The following PRICKLE1 variants were observed in gnomAD, a reference collection of about 807,000 sequenced individuals.
PRICKLE1 encodes prickle-like protein 1.
PRICKLE1 carries 14 observed loss-of-function variants against 70.2 expected under a neutral mutation model. The ratio of observed to expected loss-of-function variants is 0.20; its 90% CI spans 0.13 to 0.31. The LOEUF (loss-of-function observed/expected upper bound fraction) is 0.31, where lower values mean the gene tolerates loss of function less well. PRICKLE1 is among the 10% of genes least tolerant of loss of function. The pLI is 1.00. For missense variants in PRICKLE1, 821 were observed against 1,026.2 expected, an observed-to-expected ratio of 0.80 and a Z score of 2.73; for synonymous variants, 357 against 379.9, an observed-to-expected ratio of 0.94 and a Z score of 0.70.
chr12:42,459,001 C>T lies in PRICKLE1; in HGVS notation c.*808G>A. 3.3e-6 allele frequency: 1 copy of T among 299,590 alleles called. No individual in the cohort carries two copies. The highest frequency in any genetic ancestry group is 6.0e-5 in the East Asian group (1 of 16,746). 18.6% of individuals were successfully genotyped at this position (299,590 alleles called of 1,614,324 possible). ...AAAAAATCAAAAAAAGTTGAATTTT[C>T]CATCACTAGGCAATGTAAATTTGAC... On this transcript the variant is annotated 3_prime_UTR_variant, in exon 8 of 8. Coordinates refer to ENST00000345127, the MANE Select transcript of PRICKLE1 (RefSeq NM_153026.3).
At chr12:42,502,410 C>A (rs918515016) in intron 1 of PRICKLE1, among the ~76,000 whole-genome samples, 1 of 151,892 alleles carries the variant, frequency 6.6e-6, no homozygotes, top group African/African-American at 2.4e-5. Context: ...TGGGCTCAAG[C>A]AATCTTCCTG....
At position 42,464,283 on chromosome 12, in the gene PRICKLE1, A is replaced by T; in HGVS notation, c.1639+112T>A. The T allele has an allele frequency of 1.5e-6, 2 of 1,314,810 alleles. No homozygotes were observed. Among genetic ancestry groups the T allele is most frequent in the Non-Finnish European group, 2.2e-6 (2 of 914,576 alleles). The allele number at this position is 1,314,810 out of a possible 1,614,324, so 81.4% of individuals were successfully genotyped here. On this transcript the variant is annotated intron_variant, in intron 7 of 7. Coordinates refer to ENST00000345127, the MANE Select transcript of PRICKLE1 (RefSeq NM_153026.3). The surrounding 1 kb of genome is among the most constrained non-coding windows in gnomAD (Gnocchi z 4.2). ...TGATCTGCCCACCTCAGCCTCCCAT[A>T]GTGCTGGAATTATAGGCATGAGCCA...
intron 1 of PRICKLE1, among the ~76,000 whole-genome samples, chr12:42,560,241 A>G (rs1245179405): frequency 6.6e-6 from 1 of 151,594 alleles, no homozygotes; most frequent in African/African-American, 2.4e-5. Flanking sequence ...GGTTCAAGCA[A>G]TTTCTCCTGT....
Position 42,559,634 on chromosome 12 carries a change from TTTGGGG to T in PRICKLE1, c.-49+29825_-49+29830del, listed in dbSNP as rs777395085. 2.4e-3 allele frequency among the ~76,000 whole-genome samples: 267 copies of T among 111,458 alleles called. 2 individuals carry two copies. Among genetic ancestry groups the T allele is most frequent in the Middle Eastern group, 0.012 (3 of 246 alleles). 73.1% of individuals were successfully genotyped at this position (111,458 alleles called of 152,430 possible). On this transcript the variant is annotated intron_variant, in intron 1 of 7. Coordinates refer to ENST00000345127, the MANE Select transcript of PRICKLE1 (RefSeq NM_153026.3). ...TATATATATATATATATTTTTTTTT[TTTGGGG>T]GGGGTAGAGATGGGGGCCTCATTAT...
rs144950982 is a variant in PRICKLE1 at position 42,543,123 on chromosome 12, C to T, written c.-49+46342G>A. On this transcript the variant is annotated intron_variant, in intron 1 of 7. Coordinates refer to ENST00000345127, the MANE Select transcript of PRICKLE1 (RefSeq NM_153026.3). ...CCCTGATCTCAGGCTTCCCAGTCTT[C>T]AGCCCTGTGAGAAATACATTTCTGT... Among the ~76,000 whole-genome samples, 805 of 152,338 alleles carry T rather than the reference C, an allele frequency of 5.3e-3. 9 individuals carry two copies. The highest frequency in any genetic ancestry group is 0.018 in the African/African-American group (749 of 41,594).
intron 1 of PRICKLE1, among the ~76,000 whole-genome samples, chr12:42,553,443 CAA>C (rs11432974): frequency 0.26 from 35,755 of 138,966 alleles, 6,293 homozygotes; most frequent in African/African-American, 0.51. Flanking sequence ...GACTCCGTCT[CAA>C]AAAAAAAAAA....
intron 1 of PRICKLE1, among the ~76,000 whole-genome samples, chr12:42,502,188 C>T (rs981504884): frequency 4.4e-4 from 66 of 151,056 alleles, no homozygotes; most frequent in African/African-American, 1.6e-3. Flanking sequence ...CACACCTATA[C>T]ATATATACAC....
intron 1 of PRICKLE1, among the ~76,000 whole-genome samples, chr12:42,569,259 A>T (rs961227740): frequency 6.6e-6 from 1 of 152,256 alleles, no homozygotes; most frequent in Middle Eastern, 3.2e-3. Context: ...TTTAAAGTAT[A>T]TATGGAATCA....
intron 5 of PRICKLE1, among the ~76,000 whole-genome samples, chr12:42,467,751 A>C (rs934532321): frequency 3.3e-5 from 5 of 152,234 alleles, no homozygotes; most frequent in African/African-American, 1.2e-4. Context: ...ATCCCAAAAA[A>C]ATAAATCAAA....
In PRICKLE1 at chr12:42,545,835, G is replaced by A. The variant is rs1264705866; in HGVS notation, c.-49+43630C>T. Among the ~76,000 whole-genome samples the A allele has an allele frequency of 2.0e-5, 3 of 148,306 alleles. No individual in the cohort carries two copies. In the East Asian group the frequency reaches 6.0e-4, roughly 29 times the overall value. ...ATTGCACTCCAGCCTGGGTGACAGA[G>A]CAAGACTCCGTCTCAAAAAAGAAAA... On this transcript the variant is annotated intron_variant, in intron 1 of 7. Transcript: ENST00000345127.
At chr12:42,520,040 G>A (rs1483634732) in intron 1 of PRICKLE1, among the ~76,000 whole-genome samples, 2 of 152,132 alleles carry the variant, frequency 1.3e-5, no homozygotes, top group African/African-American at 4.8e-5. Context: ...TTCTGATAAG[G>A]CATGCCTTCC....
chr12:42,552,326 C>T (rs920435325), intron 1 of PRICKLE1, among the ~76,000 whole-genome samples: 1 of 152,106 alleles, frequency 6.6e-6, no homozygotes, highest in African/African-American at 2.4e-5. Context: ...CCTTGGCCTC[C>T]CAAAGTGCTG....
intron 1 of PRICKLE1, among the ~76,000 whole-genome samples, chr12:42,488,607 G>A (rs1939030953): frequency 6.6e-6 from 1 of 152,072 alleles, no homozygotes; most frequent in Non-Finnish European, 1.5e-5. Context: ...TTTCACTACT[G>A]AAAAGCTACC....
chr12:42,534,577 A>C (rs768687456), intron 1 of PRICKLE1, among the ~76,000 whole-genome samples: 7 of 152,222 alleles, frequency 4.6e-5, no homozygotes, highest in Admixed American at 1.3e-4. Context: ...AATTCTCTAC[A>C]GTAGCCCTTT....
intron 1 of PRICKLE1, among the ~76,000 whole-genome samples, chr12:42,540,346 C>T (rs1408349329): frequency 1.3e-5 from 2 of 152,122 alleles, no homozygotes; most frequent in African/African-American, 4.8e-5. Flanking sequence ...GCCTCCTCAT[C>T]ATGTTGGTCT....
At chr12:42,463,731 A>G (rs1409621935) in intron 7 of PRICKLE1, 2 of 153,078 alleles carry the variant, frequency 1.3e-5, no homozygotes, top group African/African-American at 4.8e-5. Context: ...AAAAAAAAAA[A>G]GAGCTTGTAA....
rs184296989 is a variant in PRICKLE1 at position 42,477,535 on chromosome 12, A to G, written c.-48-4971T>C. ...ATATATATATATATATATATATATG[A>G]CCTCACAAATAACCCTTCCTTAGGC... On this transcript the variant is annotated intron_variant, in intron 1 of 7. Coordinates refer to ENST00000345127, the MANE Select transcript of PRICKLE1 (RefSeq NM_153026.3). Among the ~76,000 whole-genome samples the G allele has an allele frequency of 4.7e-3, 596 of 125,708 alleles. 2 individuals carry two copies. Among genetic ancestry groups the G allele is most frequent in the African/African-American group, 0.016 (572 of 34,822 alleles). The allele number at this position is 125,708 out of a possible 152,430, so 82.5% of individuals were successfully genotyped here. A position where few individuals can be genotyped will look rare whatever the true frequency, so the allele number is the denominator to read the frequency against.
At chr12:42,559,895 G>A (rs1940477859) in intron 1 of PRICKLE1, among the ~76,000 whole-genome samples, 1 of 151,708 alleles carries the variant, frequency 6.6e-6, no homozygotes. Flanking sequence ...GTGAAGTTTG[G>A]AGCCTGTGCT....
At chr12:42,461,161 A>G (rs1348906876) in intron 7 of PRICKLE1, among the ~76,000 whole-genome samples, 5 of 152,304 alleles carry the variant, frequency 3.3e-5, no homozygotes, top group Non-Finnish European at 5.9e-5. Context: ...GTTTACAGGT[A>G]TGAGCCACTG....
Sources: allele counts gnomAD v4.1 joint callset (sites outside exome capture counted in the v4.1 genomes callset), GRCh38; gene constraint gnomAD v4.1.1; non-coding constraint Gnocchi (gnomAD v3.1); transcripts MANE v1.5; gene names NCBI Gene and HGNC (gene_info 2026-07-23, HGNC 2026-07-21).